The following PITPNM2 variants were observed in gnomAD, a reference collection of about 807,000 sequenced individuals.
PITPNM2 encodes phosphatidylinositol transfer protein membrane associated 2.
PITPNM2 carries 35 observed loss-of-function variants against 132.2 expected under a neutral mutation model. That is an observed-to-expected ratio of 0.26 (90% CI 0.20 to 0.35). PITPNM2 has a LOEUF of 0.35. PITPNM2 is among the 10% of genes least tolerant of loss of function. The probability of loss-of-function intolerance (pLI) is 1.00; values close to 1 mark genes in which losing one functional copy is unlikely to be tolerated. For synonymous variants in PITPNM2, 738 were observed against 799.2 expected (o/e 0.92, Z 1.29); for missense variants, 1,332 against 1,912.0 (o/e 0.70, Z 5.66).
intron 2 of PITPNM2, among the ~76,000 whole-genome samples, chr12:123,052,392 G>A (rs2040889524): frequency 6.6e-6 from 1 of 152,302 alleles, no homozygotes; most frequent in African/African-American, 2.4e-5. Flanking sequence ...AGTAAGGCTG[G>A]TGGATTTCTT....
At chr12:123,052,078 T>G (rs12815485) in intron 2 of PITPNM2, among the ~76,000 whole-genome samples, 21 of 95,680 alleles carry the variant, frequency 2.2e-4, no homozygotes, top group African/African-American at 5.8e-4. Flanking sequence ...AATTTTATTG[T>G]TTTTTTTTTT....
At chr12:123,030,521 G>A (rs928462271) in intron 3 of PITPNM2, among the ~76,000 whole-genome samples, 1 of 151,982 alleles carries the variant, frequency 6.6e-6, no homozygotes, top group Non-Finnish European at 1.5e-5. Context: ...GTGAAACCCC[G>A]TCTCTACTAA....
intron 2 of PITPNM2, among the ~76,000 whole-genome samples, chr12:123,074,501 C>T (rs931718284): frequency 6.6e-6 from 1 of 151,880 alleles, no homozygotes; most frequent in South Asian, 2.1e-4. Context: ...CATATAAATA[C>T]ACACATGTCC....
At chr12:123,059,333 G>A (rs1214940353) in intron 2 of PITPNM2, among the ~76,000 whole-genome samples, 3 of 152,228 alleles carry the variant, frequency 2.0e-5, no homozygotes, top group African/African-American at 7.2e-5. Flanking sequence ...AAAAGGTCTC[G>A]GATGTGGGGC....
chr12:123,126,455 C>A (rs2043143458), intron 1 of PITPNM2, among the ~76,000 whole-genome samples: 1 of 152,202 alleles, frequency 6.6e-6, no homozygotes, highest in Non-Finnish European at 1.5e-5. Flanking sequence ...AAAGCTGTCA[C>A]AAAGCTGGAG....
intron 2 of PITPNM2, among the ~76,000 whole-genome samples, chr12:123,068,494 T>C (rs2136874878): frequency 7.7e-6 from 1 of 130,180 alleles, no homozygotes; most frequent in East Asian, 1.9e-4. Context: ...AATAAATAAA[T>C]AAATAAAAAT....
At chr12:123,112,541 T>C (rs895434436) in intron 1 of PITPNM2, among the ~76,000 whole-genome samples, 3 of 149,844 alleles carry the variant, frequency 2.0e-5, no homozygotes, top group Non-Finnish European at 4.5e-5. Context: ...CAATATACTT[T>C]TTTTTTTTTT....
chr12:123,019,098 T>C (rs933784220), intron 3 of PITPNM2, among the ~76,000 whole-genome samples: 5 of 152,116 alleles, frequency 3.3e-5, no homozygotes, highest in African/African-American at 1.2e-4. Flanking sequence ...CAAGTTTCTT[T>C]TGAGGTGATG....
intron 2 of PITPNM2, among the ~76,000 whole-genome samples, chr12:123,067,361 C>T (rs575172440): frequency 6.6e-6 from 1 of 152,138 alleles, no homozygotes; most frequent in Non-Finnish European, 1.5e-5. Context: ...GAGGCTGAGG[C>T]AGGAGAATCG....
At chr12:122,995,097 C>G in intron 14 of PITPNM2, 118 bp from the exon 15 acceptor site, 2 of 1,199,948 alleles carry the variant, frequency 1.7e-6, no homozygotes, top group Non-Finnish European at 2.3e-6. Flanking sequence ...TCAGGACAGC[C>G]CTGAGCTGGA....
chr12:123,056,718 C>T (rs932299203), intron 2 of PITPNM2, among the ~76,000 whole-genome samples: 1 of 152,216 alleles, frequency 6.6e-6, no homozygotes, highest in Non-Finnish European at 1.5e-5. Context: ...CCGGGATGCC[C>T]CAGGCCAGGG....
intron 1 of PITPNM2, among the ~76,000 whole-genome samples, chr12:123,148,950 G>A (rs936566921): frequency 1.3e-5 from 2 of 152,152 alleles, no homozygotes; most frequent in East Asian, 1.9e-4. Flanking sequence ...GGAGCACCAT[G>A]CCTTTGAAAG....
At chr12:122,998,146 C>A (rs1167562084) in intron 10 of PITPNM2, among the ~76,000 whole-genome samples, 1 of 152,232 alleles carries the variant, frequency 6.6e-6, no homozygotes, top group Non-Finnish European at 1.5e-5. Context: ...AAGCTCTCCC[C>A]CAAGTCATTC....
intron 1 of PITPNM2, among the ~76,000 whole-genome samples, chr12:123,122,924 G>A (rs897381405): frequency 5.3e-5 from 8 of 152,194 alleles, no homozygotes; most frequent in African/African-American, 1.9e-4. Flanking sequence ...CTCACACATT[G>A]TAAGTGGGAG....
chr12:123,012,679 T>C lies in PITPNM2; in HGVS notation c.349A>G (p.Thr117Ala). 3.7e-6 allele frequency: 6 copies of C among 1,614,080 alleles called. No individual in the cohort carries two copies. Among genetic ancestry groups the C allele is most frequent in the Non-Finnish European group, 5.1e-6 (6 of 1,179,968 alleles). Residue 117 changes from threonine to alanine, a missense_variant, in exon 5 of 26, where the codon ACT becomes GCT. By Grantham distance (58) the Thr-to-Ala change is moderately conservative (BLOSUM62 0). Coordinates refer to ENST00000320201, the MANE Select transcript of PITPNM2 (RefSeq NM_020845.3). ...FSIDIETFYK[T>A]DAGENPDVFN... ...ACGTCGGGGTTTTCTCCAGCATCAGTTTTATAAAAGGTTTCAATGTCGATG... is the reference window on the plus strand; with the variant it reads ...ACGTCGGGGTTTTCTCCAGCATCAGCTTTATAAAAGGTTTCAATGTCGATG...
intron 2 of PITPNM2, among the ~76,000 whole-genome samples, chr12:123,056,221 T>G (rs548230082): frequency 2.8e-4 from 42 of 152,190 alleles, no homozygotes; most frequent in Non-Finnish European, 5.6e-4. Flanking sequence ...CAGGCCAAGC[T>G]TGGCCACTTA....
intron 2 of PITPNM2, among the ~76,000 whole-genome samples, chr12:123,093,501 C>T (rs2042325889): frequency 6.6e-6 from 1 of 151,946 alleles, no homozygotes; most frequent in Admixed American, 6.6e-5. Flanking sequence ...CACACACACA[C>T]CTTGAAATAA....
chr12:123,038,631 T>G (rs1408453521), intron 2 of PITPNM2, among the ~76,000 whole-genome samples: 1 of 152,072 alleles, frequency 6.6e-6, no homozygotes, highest in African/African-American at 2.4e-5. Flanking sequence ...TGAGAAGTAC[T>G]CAATCCAGTA....
intron 1 of PITPNM2, among the ~76,000 whole-genome samples, chr12:123,122,558 C>T (rs543946546): frequency 4.5e-4 from 68 of 152,250 alleles, no homozygotes; most frequent in African/African-American, 1.6e-3. Context: ...CATCTGAGCT[C>T]CCCCAAAAAC....
Sources: gnomAD v4.1 joint callset for allele counts (sites outside exome capture counted in the v4.1 genomes callset) on GRCh38, gnomAD v4.1.1 for gene constraint, MANE v1.5 for transcripts, NCBI Gene and HGNC (gene_info 2026-07-23, HGNC 2026-07-21) for gene names.